The following STXBP5L variants were observed in gnomAD, a reference collection of about 807,000 sequenced individuals.
STXBP5L encodes syntaxin-binding protein 5-like.
A neutral mutation model predicts 144.5 loss-of-function variants in STXBP5L; 65 were observed. The ratio of observed to expected loss-of-function variants is 0.45; its 90% CI spans 0.37 to 0.55. STXBP5L has a LOEUF of 0.55. Among genes scored for constraint, STXBP5L ranks in the 20% least tolerant of loss-of-function variants. The pLI, the probability that STXBP5L is intolerant of heterozygous loss-of-function variation, is 0.00. For synonymous variants in STXBP5L, 505 were observed against 469.6 expected (o/e 1.08, Z -0.97); for missense variants, 1,298 against 1,405.5 (o/e 0.92, Z 1.22).
At chr3:121,368,907 C>G (rs1394424584) in intron 20 of STXBP5L, among the ~76,000 whole-genome samples, 1 of 152,134 alleles carries the variant, frequency 6.6e-6, no homozygotes, top group East Asian at 1.9e-4. Context: ...CCTTGGAAGT[C>G]ACTTCAGACA....
Position 120,994,129 on chromosome 3 carries a change from G to C in STXBP5L, c.287+39092G>C, listed in dbSNP as rs191071415. Among the ~76,000 whole-genome samples, 23 of 151,886 alleles carry C rather than the reference G, an allele frequency of 1.5e-4. No individual in the cohort carries two copies. The East Asian group carries it at 3.7e-3, about 24-fold the overall frequency. On this transcript the variant is annotated intron_variant, in intron 3 of 26. Coordinates refer to ENST00000471454, the MANE Select transcript of STXBP5L (RefSeq NM_001308330.2). The stretch of plus-strand genomic sequence containing the variant: ...GTATAGAAATGCTACTGATTTTTGT[G>C]TGCCAATTTTTTTTTGTCCTGCAAC...
chr3:120,978,239 C>T (rs977100889), intron 3 of STXBP5L, among the ~76,000 whole-genome samples: 3 of 152,140 alleles, frequency 2.0e-5, no homozygotes, highest in East Asian at 3.9e-4. Flanking sequence ...AGGCTTTGTT[C>T]GTTTCTTTTT....
intron 19 of STXBP5L, among the ~76,000 whole-genome samples, chr3:121,306,163 C>T (rs957495548): frequency 6.6e-6 from 1 of 152,118 alleles, no homozygotes; most frequent in African/African-American, 2.4e-5. Context: ...CAAATGAAGA[C>T]ATATTTATTC....
At chr3:120,983,126 T>C (rs563951238) in intron 3 of STXBP5L, among the ~76,000 whole-genome samples, 11 of 152,242 alleles carry the variant, frequency 7.2e-5, no homozygotes, top group African/African-American at 2.4e-4. Context: ...CATATGAAAG[T>C]GCCTGACCTG....
chr3:121,017,853 G>A (rs1010371787), intron 3 of STXBP5L, among the ~76,000 whole-genome samples: 2 of 152,116 alleles, frequency 1.3e-5, no homozygotes, highest in Non-Finnish European at 2.9e-5. Context: ...GAGGCAGGAG[G>A]ATTTCTTGAG....
intron 9 of STXBP5L, among the ~76,000 whole-genome samples, chr3:121,193,177 T>G (rs2047771806): frequency 7.0e-6 from 1 of 142,668 alleles, no homozygotes; most frequent in Admixed American, 6.9e-5. Context: ...GAACAGACAC[T>G]TCTCAAAAAA....
chr3:121,135,574 C>T (rs2045212878), intron 7 of STXBP5L, among the ~76,000 whole-genome samples: 2 of 152,152 alleles, frequency 1.3e-5, no homozygotes. Context: ...CAACCTAGAT[C>T]CCTTGCATGT....
intron 19 of STXBP5L, among the ~76,000 whole-genome samples, chr3:121,316,237 A>C (rs191092096): frequency 1.2e-4 from 19 of 152,330 alleles, no homozygotes; most frequent in African/African-American, 4.6e-4. Context: ...ACAAGGAAGT[A>C]GTTTTACTAT....
chr3:121,309,042 G>A (rs143588515), intron 19 of STXBP5L, among the ~76,000 whole-genome samples: 1 of 151,996 alleles, frequency 6.6e-6, no homozygotes, highest in East Asian at 1.9e-4. Context: ...ATGAAATGCT[G>A]CACAAGAAAA....
At chr3:121,150,147 T>A (rs2045879632) in intron 7 of STXBP5L, among the ~76,000 whole-genome samples, 1 of 152,154 alleles carries the variant, frequency 6.6e-6, no homozygotes, top group East Asian at 1.9e-4. Context: ...CAATTTTGAT[T>A]TTTTGGTATT....
chr3:121,056,574 A>T (rs1008237310), intron 5 of STXBP5L, among the ~76,000 whole-genome samples: 1 of 152,170 alleles, frequency 6.6e-6, no homozygotes, highest in Non-Finnish European at 1.5e-5. Context: ...AAAATATTTT[A>T]TAAAGGCAAT....
intron 24 of STXBP5L, 92 bp from the exon 25 acceptor site, chr3:121,415,765 A>T: frequency 4.2e-6 from 3 of 710,590 alleles, no homozygotes; most frequent in Admixed American, 3.2e-5. Context: ...CTGTTTTTTC[A>T]TGATGTGTCC....
chr3:121,349,204 T>G (rs2045155069), intron 20 of STXBP5L, among the ~76,000 whole-genome samples: 1 of 152,168 alleles, frequency 6.6e-6, no homozygotes, highest in South Asian at 2.1e-4. Flanking sequence ...TCTGCCTTCA[T>G]TTTGTTATGT....
chr3:121,082,257 GTC>G, intron 5 of STXBP5L, among the ~76,000 whole-genome samples: 1 of 152,066 alleles, frequency 6.6e-6, no homozygotes, highest in East Asian at 1.9e-4. Context: ...AACATAGTAT[GTC>G]TCTACATTTA....
At chr3:121,333,730 G>A (rs1426813439) in intron 20 of STXBP5L, among the ~76,000 whole-genome samples, 1 of 151,932 alleles carries the variant, frequency 6.6e-6, no homozygotes, top group Non-Finnish European at 1.5e-5. Context: ...TAACCAGCAG[G>A]GACTACTATA....
intron 19 of STXBP5L, among the ~76,000 whole-genome samples, chr3:121,301,819 A>G (rs377390905): frequency 6.6e-6 from 1 of 152,064 alleles, no homozygotes; most frequent in Admixed American, 6.6e-5. Context: ...GGTTTTTGTC[A>G]TTGGTTCTGT....
chr3:121,047,169 T>G (rs772307151), intron 5 of STXBP5L, among the ~76,000 whole-genome samples: 35 of 152,044 alleles, frequency 2.3e-4, no homozygotes, highest in Non-Finnish European at 4.3e-4. Flanking sequence ...TTTTGAGCGA[T>G]TTTCTTAGTA....
At chr3:121,100,422 AAAT>A (rs1293093566) in intron 5 of STXBP5L, among the ~76,000 whole-genome samples, 1 of 152,186 alleles carries the variant, frequency 6.6e-6, no homozygotes, top group East Asian at 1.9e-4. Context: ...AGTGGAATAA[AAAT>A]AATCAATACC....
intron 5 of STXBP5L, among the ~76,000 whole-genome samples, chr3:121,110,363 T>C (rs1331295678): frequency 6.6e-6 from 1 of 152,040 alleles, no homozygotes; most frequent in East Asian, 1.9e-4. Context: ...TGTTTGTTTG[T>C]TTGCTTGTTT....
Sources: allele counts gnomAD v4.1 joint callset (sites outside exome capture counted in the v4.1 genomes callset), GRCh38; gene constraint gnomAD v4.1.1; transcripts MANE v1.5; gene names NCBI Gene and HGNC (gene_info 2026-07-23, HGNC 2026-07-21).